RALGAPA2: variants seen among roughly 807,000 people sequenced by gnomAD.
RALGAPA2 encodes the protein Ral GTPase activating protein catalytic subunit alpha 2.
RALGAPA2 carries 139 observed loss-of-function variants against 230.4 expected under a neutral mutation model. The ratio of observed to expected loss-of-function variants is 0.60; its 90% confidence interval spans 0.53 to 0.69. The LOEUF (loss-of-function observed/expected upper bound fraction) is 0.69. Ranked by LOEUF, RALGAPA2 falls within the 30% of genes least tolerant of loss-of-function variation. The probability of loss-of-function intolerance (pLI) is 0.00; values close to 1 mark genes in which losing one functional copy is unlikely to be tolerated. For missense variants in RALGAPA2, 2,163 were observed against 2,276.0 expected (o/e 0.95, Z 1.01); for synonymous variants, 847 against 837.8 (o/e 1.01, Z -0.19).
chr20:20,432,219 T>G (rs1393250363), intron 37 of RALGAPA2, among the ~76,000 whole-genome samples: 1 of 152,148 alleles, frequency 6.6e-6, no homozygotes, highest in African/African-American at 2.4e-5. Context: ...AACACGTAGG[T>G]ACATTTTCTA....
intron 37 of RALGAPA2, among the ~76,000 whole-genome samples, chr20:20,425,269 G>A (rs1250493567): frequency 6.6e-6 from 1 of 152,174 alleles, no homozygotes; most frequent in Non-Finnish European, 1.5e-5. Flanking sequence ...ACTAGGCTCA[G>A]GCACGACACA....
At position 20,601,693 on chromosome 20, in the gene RALGAPA2, T is replaced by A. The variant is rs1443719657; in HGVS notation, c.2192A>T (p.Gln731Leu). 1.2e-6 allele frequency: 2 copies of A among 1,610,014 alleles called. No individual in the cohort carries two copies. The highest frequency in any genetic ancestry group is 2.7e-5 in the African/African-American group (2 of 74,752). ...AAATAAATGTTTACCAGTTGCTTTT[T>A]GGCGAACAATATTTCTTGCCTTTTC... ...GVEKARNIVR[Q>L]KATEVEECQQ... Residue 731 changes from glutamine (Q) to leucine (L), a missense_variant, in exon 16 of 40, where the codon CAA (glutamine) becomes CTA (leucine). Coordinates refer to ENST00000202677, the MANE Select transcript of RALGAPA2 (RefSeq NM_020343.4).
At chr20:20,537,015 C>G (rs1183992950) in intron 24 of RALGAPA2, among the ~76,000 whole-genome samples, 3 of 152,150 alleles carry the variant, frequency 2.0e-5, no homozygotes, top group African/African-American at 7.2e-5. Context: ...GGAAACTGAT[C>G]TGCAGATTCA....
chr20:20,479,379 T>C (rs2061722405), intron 36 of RALGAPA2, among the ~76,000 whole-genome samples: 1 of 152,170 alleles, frequency 6.6e-6, no homozygotes, highest in Non-Finnish European at 1.5e-5. Flanking sequence ...TGAACATGCA[T>C]ACAAAAACCC....
intron 38 of RALGAPA2, among the ~76,000 whole-genome samples, chr20:20,402,730 A>G (rs944604976): frequency 6.6e-6 from 1 of 152,214 alleles, no homozygotes; most frequent in Admixed American, 6.5e-5. Flanking sequence ...GTAAACTGTC[A>G]TGGAAGTTGT....
At chr20:20,705,999 T>G (rs190941456) in intron 1 of RALGAPA2, among the ~76,000 whole-genome samples, 1 of 152,318 alleles carries the variant, frequency 6.6e-6, no homozygotes, top group East Asian at 1.9e-4. Context: ...TTCTCTATAG[T>G]TTTATATTGA....
intron 37 of RALGAPA2, 117 bp downstream of exon 37, chr20:20,472,712 G>GA: frequency 8.8e-7 from 1 of 1,140,260 alleles, no homozygotes; most frequent in Non-Finnish European, 1.2e-6. Context: ...AACAGAGGTT[G>GA]AAAAAAATTC....
At position 20,710,655 on chromosome 20, in the gene RALGAPA2, G is replaced by A. The variant is rs544825416; in HGVS notation, c.106+1720C>T. 9.2e-5 allele frequency among the ~76,000 whole-genome samples: 14 copies of A among 152,260 alleles called. No individual in the cohort carries two copies. In the South Asian group the frequency reaches 2.9e-3, roughly 32 times the overall value. ...GATAAAAGAAAGTTCCCTAAAATAA[G>A]ACCTACACCTTAGAGTGAAACTACA... On this transcript the variant is annotated intron_variant, in intron 1 of 39. Coordinates refer to ENST00000202677, the MANE Select transcript of RALGAPA2 (RefSeq NM_020343.4).
chr20:20,528,429 G>T (rs1180776421), intron 27 of RALGAPA2, among the ~76,000 whole-genome samples: 1 of 152,122 alleles, frequency 6.6e-6, no homozygotes, highest in African/African-American at 2.4e-5. Context: ...GTGTGTGAGG[G>T]ATGGACTTGG....
chr20:20,658,999 G>A (rs1339092186), intron 3 of RALGAPA2, among the ~76,000 whole-genome samples: 3 of 152,218 alleles, frequency 2.0e-5, no homozygotes, highest in Non-Finnish European at 4.4e-5. Flanking sequence ...AAAGCAGAGT[G>A]TGGGGAGCAA....
At chr20:20,636,297 A>T (rs952763906) in intron 8 of RALGAPA2, among the ~76,000 whole-genome samples, 2 of 152,204 alleles carry the variant, frequency 1.3e-5, no homozygotes, top group African/African-American at 4.8e-5. Flanking sequence ...TCTCTATCTT[A>T]ATAATTTTTG....
chr20:20,513,446 T>C lies in RALGAPA2; in HGVS notation c.4085-162A>G, dbSNP rs575366347. ...GAAATAGCAAGATAGTGCAAAAAGA[T>C]CAACTCTCTGAGCTTTAATTCAGGA... is the stretch of plus-strand genomic sequence containing the variant. On this transcript the variant is annotated intron_variant, in intron 31 of 39. Coordinates refer to ENST00000202677, the MANE Select transcript of RALGAPA2 (RefSeq NM_020343.4). Among the ~76,000 whole-genome samples, 4 of 152,106 alleles carry C rather than the reference T, an allele frequency of 2.6e-5. No individual in the cohort carries two copies. The South Asian group carries it at 8.3e-4, about 32-fold the overall frequency.
chr20:20,587,100 C>T (rs79229617), intron 18 of RALGAPA2, among the ~76,000 whole-genome samples: 1,782 of 151,966 alleles, frequency 0.012, 19 homozygotes, highest in African/African-American at 0.031. Context: ...AACAAACATA[C>T]GAACCAAAAG....
chr20:20,627,941 T>C (rs987021972), intron 10 of RALGAPA2, among the ~76,000 whole-genome samples: 1 of 152,158 alleles, frequency 6.6e-6, no homozygotes, highest in African/African-American at 2.4e-5. Context: ...ACTTGAGCCC[T>C]GAATCTTGGT....
chr20:20,463,609 G>A (rs1049631269), intron 37 of RALGAPA2, among the ~76,000 whole-genome samples: 2 of 152,164 alleles, frequency 1.3e-5, no homozygotes, highest in Non-Finnish European at 2.9e-5. Context: ...ATGGCCAGAA[G>A]ATTCCATGTC....
In RALGAPA2 at chr20:20,545,359, G is replaced by A. The variant is rs556029156; in HGVS notation, c.3285+1345C>T. ...GCTGTGACTATACATACGCCACCATGCCTGGCCTCTTCTTCTCTTTTACCT... is the reference window on the plus strand; with the variant it reads ...GCTGTGACTATACATACGCCACCATACCTGGCCTCTTCTTCTCTTTTACCT... On this transcript the variant is annotated intron_variant, in intron 24 of 39. Transcript: ENST00000202677. 4.6e-5 allele frequency among the ~76,000 whole-genome samples: 7 copies of A among 152,036 alleles called. No homozygotes were observed. In the South Asian group the frequency reaches 1.5e-3, roughly 32 times the overall value.
chr20:20,564,418 T>C (rs1400808599), intron 23 of RALGAPA2, among the ~76,000 whole-genome samples: 1 of 152,230 alleles, frequency 6.6e-6, no homozygotes, highest in Non-Finnish European at 1.5e-5. Flanking sequence ...TTTCATAACA[T>C]GTATATCACT....
At chr20:20,430,261 G>C (rs974483179) in intron 37 of RALGAPA2, among the ~76,000 whole-genome samples, 2 of 152,204 alleles carry the variant, frequency 1.3e-5, no homozygotes, top group Non-Finnish European at 2.9e-5. Context: ...ACGTGGAGTA[G>C]AGCCCTGGCA....
chr20:20,515,025 G>T (rs1602611768), intron 31 of RALGAPA2, among the ~76,000 whole-genome samples: 1 of 152,196 alleles, frequency 6.6e-6, no homozygotes, highest in East Asian at 1.9e-4. Flanking sequence ...CAGGGGAGCT[G>T]TAAATGAGCC....
Sources: allele counts gnomAD v4.1 joint callset (sites outside exome capture counted in the v4.1 genomes callset), GRCh38; gene constraint gnomAD v4.1.1; transcripts MANE v1.5; gene names NCBI Gene and HGNC (gene_info 2026-07-23, HGNC 2026-07-21).